Variants in CAMTA1 observed in about 807,000 individuals in gnomAD.
CAMTA1 encodes the protein calmodulin-binding transcription activator 1.
Under a neutral mutation model 170.9 loss-of-function variants are expected in CAMTA1, and 27 were observed. The observed-to-expected ratio is 0.16, with a 90% CI of 0.12 to 0.22. The LOEUF (loss-of-function observed/expected upper bound fraction) is 0.22. CAMTA1 is among the 10% of genes least tolerant of loss of function. CAMTA1 has a pLI of 1.00. For missense variants in CAMTA1, 1,619 were observed against 2,217.2 expected (o/e 0.73, Z 5.42); for synonymous variants, 833 against 891.5 (o/e 0.93, Z 1.17).
At position 7,665,169 on chromosome 1, in the gene CAMTA1, C is replaced by T. The variant is rs1458994100; in HGVS notation, c.2622C>T (p.Thr874=). The change falls in exon 9 of 23, where the codon ACC becomes ACT. Residue 874 remains threonine, a synonymous_variant. Transcript: ENST00000303635. This position sits in a 1 kb window ranked among gnomAD's most constrained non-coding sequence, Gnocchi z 4.3. ...AGAGCGGACGGGTGTTCATGGTGAC[C>T]GACTACTCCCCAGAGTGGTCTTACC... ...LQQSGRVFMV[T]DYSPEWSYPE... The T allele has an allele frequency of 4.7e-6, 7 of 1,491,280 alleles. No homozygotes were observed. The highest frequency in any genetic ancestry group is 6.2e-6 in the Non-Finnish European group (7 of 1,125,520). The allele number at this position is 1,491,280 out of a possible 1,614,324, so 92.4% of individuals were successfully genotyped here. A position where few individuals can be genotyped will look rare whatever the true frequency, so the allele number is the denominator to read the frequency against.
At chr1:7,517,437 A>G (rs931024000) in intron 6 of CAMTA1, among the ~76,000 whole-genome samples, 14 of 152,146 alleles carry the variant, frequency 9.2e-5, no homozygotes, top group African/African-American at 3.1e-4. Context: ...TGTTCTGATA[A>G]TGGCAAGGAT....
chr1:7,625,383 T>C (rs1327935002), intron 6 of CAMTA1, among the ~76,000 whole-genome samples: 1 of 152,236 alleles, frequency 6.6e-6, no homozygotes, highest in Non-Finnish European at 1.5e-5. Context: ...GGAGTCACAG[T>C]GGCAGGACTG....
chr1:7,382,693 C>T (rs1265463003), intron 5 of CAMTA1: 1 of 152,192 alleles, frequency 6.6e-6, no homozygotes, highest in Non-Finnish European at 1.5e-5. Flanking sequence ...ATGCGGCGCT[C>T]TTTCATTTCT....
At chr1:7,760,938 T>C (rs1302082492) in intron 22 of CAMTA1, among the ~76,000 whole-genome samples, 1 of 152,238 alleles carries the variant, frequency 6.6e-6, no homozygotes, top group Non-Finnish European at 1.5e-5. Context: ...GCTTTACCCA[T>C]GGAGCCATTG....
At chr1:6,960,208 G>A (rs868756571) in intron 3 of CAMTA1, among the ~76,000 whole-genome samples, 4 of 152,212 alleles carry the variant, frequency 2.6e-5, no homozygotes, top group South Asian at 2.1e-4. Context: ...CTTGGAGAAA[G>A]AAAATGCAAG....
intron 3 of CAMTA1, among the ~76,000 whole-genome samples, chr1:6,885,993 G>C (rs959199298): frequency 6.6e-6 from 1 of 152,086 alleles, no homozygotes; most frequent in East Asian, 1.9e-4. Flanking sequence ...TGTCCTGTGC[G>C]GGCCCTTGCC....
At chr1:7,381,329 A>G (rs1201560379) in intron 5 of CAMTA1, among the ~76,000 whole-genome samples, 1 of 100,350 alleles carries the variant, frequency 1.0e-5, no homozygotes, top group Non-Finnish European at 1.9e-5. Context: ...AACAGTCCCC[A>G]GAGTGTGATG....
chr1:6,941,672 C>G (rs924242294), intron 3 of CAMTA1, among the ~76,000 whole-genome samples: 1 of 152,230 alleles, frequency 6.6e-6, no homozygotes, highest in African/African-American at 2.4e-5. Flanking sequence ...GGCGAGGAAG[C>G]TCTCGTCCTT....
rs573214374 is a variant in CAMTA1 at position 7,581,724 on chromosome 1, T to C, written c.511-58676T>C. Among the ~76,000 whole-genome samples, 16 of 152,378 alleles carry C rather than the reference T, an allele frequency of 1.1e-4. No homozygotes were observed. The South Asian group carries it at 3.3e-3, about 32-fold the overall frequency. On this transcript the variant is annotated intron_variant, in intron 6 of 22. Coordinates refer to ENST00000303635, the MANE Select transcript of CAMTA1 (RefSeq NM_015215.4). ...CTCCTCACCGGAGCTTTTGCGGTTC[T>C]GGCACTGGGAGGCTGCTAGCATCCT...
chr1:6,967,403 C>T (rs1226592629), intron 3 of CAMTA1, among the ~76,000 whole-genome samples: 1 of 152,052 alleles, frequency 6.6e-6, no homozygotes, highest in Admixed American at 6.6e-5. Flanking sequence ...AAACATAGAG[C>T]CCATGCTTTG....
At chr1:7,103,840 ACAT>A (rs1643169362) in intron 4 of CAMTA1, among the ~76,000 whole-genome samples, 1 of 75,572 alleles carries the variant, frequency 1.3e-5, no homozygotes, top group African/African-American at 4.2e-5. Context: ...ACAACTACAC[ACAT>A]GTACACACAA....
At chr1:7,120,405 G>A (rs140772704) in intron 4 of CAMTA1, among the ~76,000 whole-genome samples, 12 of 152,304 alleles carry the variant, frequency 7.9e-5, no homozygotes, top group Middle Eastern at 3.4e-3. Context: ...CCTCAGTTCC[G>A]TGCTGGCTGT....
intron 3 of CAMTA1, among the ~76,000 whole-genome samples, chr1:7,017,049 C>T (rs1173905541): frequency 6.6e-6 from 1 of 152,170 alleles, no homozygotes; most frequent in East Asian, 1.9e-4. Context: ...CCACTTCTTA[C>T]ACCCCACCAC....
intron 6 of CAMTA1, among the ~76,000 whole-genome samples, chr1:7,594,089 G>C (rs1418335704): frequency 7.4e-6 from 1 of 135,022 alleles, no homozygotes; most frequent in African/African-American, 3.7e-5. Context: ...CAGAGAGAGA[G>C]AGAGAGGAAA....
At chr1:7,385,980 C>T (rs2087918720) in intron 5 of CAMTA1, among the ~76,000 whole-genome samples, 1 of 152,148 alleles carries the variant, frequency 6.6e-6, no homozygotes, top group Admixed American at 6.5e-5. Context: ...TTGCGTGTGC[C>T]TCCCCCATGC....
intron 5 of CAMTA1, among the ~76,000 whole-genome samples, chr1:7,366,425 T>A (rs2085972078): frequency 6.6e-6 from 1 of 152,228 alleles, no homozygotes; most frequent in African/African-American, 2.4e-5. Context: ...TGGAGAAAGC[T>A]CAGAATAGCT....
At chr1:6,924,148 C>T (rs1682608103) in intron 3 of CAMTA1, among the ~76,000 whole-genome samples, 1 of 152,196 alleles carries the variant, frequency 6.6e-6, no homozygotes, top group East Asian at 1.9e-4. Flanking sequence ...GAACACCTGC[C>T]ACATGCCAGG....
intron 3 of CAMTA1, among the ~76,000 whole-genome samples, chr1:7,034,221 G>A (rs927130929): frequency 1.3e-5 from 2 of 152,064 alleles, no homozygotes; most frequent in African/African-American, 4.8e-5. Flanking sequence ...GCAGTGGTGC[G>A]ATCTTGGCTC....
chr1:7,644,552 G>GGCTGCTCCCCA (rs2095790198), intron 7 of CAMTA1, among the ~76,000 whole-genome samples: 1 of 152,122 alleles, frequency 6.6e-6, no homozygotes, highest in African/African-American at 2.4e-5. Context: ...CCCTCCGGGT[G>GGCTGCTCCCCA]GCTGCTCCCC....
Sources: gnomAD v4.1 joint callset for allele counts (sites outside exome capture counted in the v4.1 genomes callset) on GRCh38, gnomAD v4.1.1 for gene constraint, Gnocchi (gnomAD v3.1) non-coding constraint, MANE v1.5 for transcripts, NCBI Gene and HGNC (gene_info 2026-07-23, HGNC 2026-07-21) for gene names.